DNAJC12: variants seen among roughly 807,000 people sequenced by gnomAD.
DNAJC12 encodes the protein DnaJ heat shock protein family (Hsp40) member C12, also known as dnaJ homolog subfamily C member 12.
In DNAJC12, 25 loss-of-function variants were observed where a neutral mutation model predicts 28.5. The ratio of observed to expected loss-of-function variants is 0.88; its 90% CI spans 0.64 to 1.22. DNAJC12 has a LOEUF of 1.22. Among genes scored for constraint, DNAJC12 ranks in the 50% most tolerant of loss-of-function variants. The pLI, the probability that DNAJC12 is intolerant of heterozygous loss-of-function variation, is 0.00. For synonymous variants in DNAJC12, 77 were observed against 80.6 expected (o/e 0.95, Z 0.24); for missense variants, 222 against 231.7 (o/e 0.96, Z 0.27).
intron 1 of DNAJC12, chr10:67,833,734 G>A (rs1051168481): frequency 4.4e-5 from 19 of 428,638 alleles, no homozygotes; most frequent in Admixed American, 8.3e-5. Flanking sequence ...CCAGGCTCTC[G>A]GTAGAGGCAA....
intron 1 of DNAJC12, among the ~76,000 whole-genome samples, chr10:67,834,430 G>A (rs901679184): frequency 3.9e-5 from 6 of 152,140 alleles, no homozygotes; most frequent in African/African-American, 9.7e-5. Flanking sequence ...ACAACTTAGC[G>A]CTCTGCACCA....
chr10:67,797,845 C>G (rs569166774), intron 4 of DNAJC12, among the ~76,000 whole-genome samples: 21 of 151,898 alleles, frequency 1.4e-4, no homozygotes, highest in African/African-American at 4.6e-4. Flanking sequence ...TCAAGACCAT[C>G]CTGGCTAACA....
At chr10:67,819,440 A>T (rs1564862961) in intron 2 of DNAJC12, among the ~76,000 whole-genome samples, 1 of 151,524 alleles carries the variant, frequency 6.6e-6, no homozygotes, top group Admixed American at 6.6e-5. Context: ...GGAGATCAAG[A>T]CCAGCCTGGC....
chr10:67,829,765 G>A (rs1312815964), intron 1 of DNAJC12, among the ~76,000 whole-genome samples: 2 of 152,168 alleles, frequency 1.3e-5, no homozygotes, highest in African/African-American at 2.4e-5. Context: ...ATAATAGGAT[G>A]TTTGTTATAG....
chr10:67,836,846 A>C (rs1180270361), intron 1 of DNAJC12, among the ~76,000 whole-genome samples: 3 of 151,808 alleles, frequency 2.0e-5, no homozygotes, highest in Non-Finnish European at 4.4e-5. Context: ...ATAAATATAA[A>C]AACATTTTGC....
At chr10:67,804,488 G>T (rs1392706062) in intron 4 of DNAJC12, among the ~76,000 whole-genome samples, 2 of 152,206 alleles carry the variant, frequency 1.3e-5, no homozygotes, top group Non-Finnish European at 2.9e-5. Context: ...AGCCTCTTGA[G>T]TAGCTAGGAC....
At chr10:67,835,192 A>G (rs746953950) in intron 1 of DNAJC12, among the ~76,000 whole-genome samples, 1 of 152,226 alleles carries the variant, frequency 6.6e-6, no homozygotes, top group Non-Finnish European at 1.5e-5. Context: ...TTCAATTGTG[A>G]TAAGTAAAAT....
intron 4 of DNAJC12, among the ~76,000 whole-genome samples, chr10:67,800,303 A>C (rs1033772622): frequency 4.6e-5 from 7 of 152,018 alleles, no homozygotes; most frequent in African/African-American, 1.7e-4. Context: ...TAGCAGAATG[A>C]GAACCAAAGC....
chr10:67,824,648 A>G (rs1323390284), intron 1 of DNAJC12, among the ~76,000 whole-genome samples: 1 of 152,130 alleles, frequency 6.6e-6, no homozygotes, highest in African/African-American at 2.4e-5. Context: ...TATTAATTGT[A>G]ATTGCAATTA....
rs182961172 is a variant in DNAJC12, at chr10:67,811,601, G to A, written c.220C>T (p.Arg74Cys). 69 of 1,614,150 alleles carry A rather than the reference G, an allele frequency of 4.3e-5. No homozygotes were observed. The highest frequency in any genetic ancestry group is 4.0e-4 in the Admixed American group (24 of 60,018). The stretch of plus-strand genomic sequence containing the variant: ...TGGCTCCTTCGCCAGTGGTCATAGC[G>A]GGCTCGACTCTCTTCATTGGTCAGA... ...EILTNEESRA[R>C]YDHWRRSQMS... Residue 74 changes from arginine (R) to cysteine (C), a missense_variant, in exon 3 of 5, where the codon CGC (arginine) becomes TGC (cysteine). Physicochemically the swap from Arg to Cys is radical, Grantham distance 180. Coordinates refer to ENST00000225171, the MANE Select transcript of DNAJC12 (RefSeq NM_021800.3).
chr10:67,833,349 G>A (rs917849272), intron 1 of DNAJC12, among the ~76,000 whole-genome samples: 2 of 152,098 alleles, frequency 1.3e-5, no homozygotes, highest in Non-Finnish European at 2.9e-5. Context: ...GGCCTGCAAA[G>A]CCTAAAATAT....
chr10:67,811,442 G>A, intron 3 of DNAJC12, 82 bp downstream of exon 3: 1 of 1,577,124 alleles, frequency 6.3e-7, no homozygotes, highest in East Asian at 2.3e-5. Context: ...ATCGCCTAAT[G>A]ACTCTTTAAG....
intron 4 of DNAJC12, among the ~76,000 whole-genome samples, chr10:67,800,288 C>T (rs183666321): frequency 7.0e-4 from 105 of 150,692 alleles, no homozygotes; most frequent in East Asian, 2.3e-3. Flanking sequence ...TCCCAGGTGG[C>T]ACCTTAGCAG....
chr10:67,799,655 C>T (rs551758347), intron 4 of DNAJC12, among the ~76,000 whole-genome samples: 14 of 152,132 alleles, frequency 9.2e-5, no homozygotes, highest in East Asian at 7.7e-4. Flanking sequence ...GAGGCCGAGG[C>T]GGGCAGATCA....
intron 3 of DNAJC12, chr10:67,810,768 G>C (rs1841851257): frequency 6.6e-6 from 1 of 152,162 alleles, no homozygotes; most frequent in South Asian, 2.1e-4. Flanking sequence ...TATAATTTAA[G>C]AGATGTGAAT....
At position 67,805,470 on chromosome 10, in the gene DNAJC12, T is replaced by C. The variant is rs968447076; in HGVS notation, c.502+113A>G. 3.6e-6 allele frequency: 4 copies of C among 1,119,070 alleles called. No individual in the cohort carries two copies. In the African/African-American group the frequency reaches 6.3e-5, roughly 18 times the overall value. 69.3% of individuals were successfully genotyped at this position (1,119,070 alleles called of 1,614,324 possible). A position where few individuals can be genotyped will look rare whatever the true frequency, so the allele number is the denominator to read the frequency against. On this transcript the variant is annotated intron_variant, in intron 4 of 4. Transcript: ENST00000225171. ...AGTGTCTTTTAAGATGATAAACCAA[T>C]CTTTAAACTTGGCACTGCTGTGCAG...
At chr10:67,823,698 C>T (rs1178253748) in intron 1 of DNAJC12, among the ~76,000 whole-genome samples, 1 of 66,698 alleles carries the variant, frequency 1.5e-5, no homozygotes, top group Non-Finnish European at 4.2e-5. Context: ...AAGATCTTAT[C>T]TCAAAAAAAA....
At chr10:67,833,644 G>T in intron 1 of DNAJC12, 1 of 270,628 alleles carries the variant, frequency 3.7e-6, no homozygotes, top group East Asian at 9.2e-5. Context: ...ATTTTTTGGT[G>T]GTTTGTGCTT....
intron 2 of DNAJC12, among the ~76,000 whole-genome samples, chr10:67,820,369 G>A (rs1484714638): frequency 6.6e-6 from 1 of 152,156 alleles, no homozygotes; most frequent in Non-Finnish European, 1.5e-5. Context: ...ACACACAAAA[G>A]AGTACATACT....
Sources: gnomAD v4.1 joint callset for allele counts (sites outside exome capture counted in the v4.1 genomes callset) on GRCh38, gnomAD v4.1.1 for gene constraint, MANE v1.5 for transcripts, NCBI Gene and HGNC (gene_info 2026-07-23, HGNC 2026-07-21) for gene names.